GLDC: variants seen among roughly 807,000 people sequenced by gnomAD.
GLDC encodes glycine dehydrogenase (decarboxylating), mitochondrial.
A neutral mutation model predicts 121.3 loss-of-function variants in GLDC; 104 were observed. The observed-to-expected ratio is 0.86, with a 90% CI of 0.73 to 1.01. The LOEUF is 1.01. Ranked by LOEUF, GLDC falls within the 50% of genes least tolerant of loss-of-function variation. The probability of loss-of-function intolerance (pLI) is 0.00; values close to 1 mark genes in which losing one functional copy is unlikely to be tolerated. For synonymous variants in GLDC, 546 were observed against 480.6 expected (o/e 1.14, Z -1.78); for missense variants, 1,429 against 1,306.6 (o/e 1.09, Z -1.44).
chr9:6,612,363 A>C (rs1000416410), intron 3 of GLDC, among the ~76,000 whole-genome samples: 1 of 151,962 alleles, frequency 6.6e-6, no homozygotes, highest in African/African-American at 2.4e-5. Flanking sequence ...CAACCTCCCC[A>C]CCACACTCCC....
In GLDC at chr9:6,610,178, G is replaced by C. The variant is rs1409018724; in HGVS notation, c.635+14C>G. On this transcript the variant is annotated intron_variant, in intron 4 of 24. Coordinates refer to ENST00000321612, the MANE Select transcript of GLDC (RefSeq NM_000170.3). ...CCCACAACTGGAATTCCAGCACTTT[G>C]AGAGGCCTCTCACCTGTAGCACAGC... 1.9e-6 allele frequency: 3 copies of C among 1,599,746 alleles called. No homozygotes were observed. Among genetic ancestry groups the C allele is most frequent in the Admixed American group, 1.7e-5 (1 of 57,918 alleles).
At position 6,606,641 on chromosome 9, in the gene GLDC, C is replaced by G; in HGVS notation, c.664G>C (p.Asp222His). Residue 222 changes from aspartate (D) to histidine (H), a missense_variant, in exon 5 of 25, where the codon GAT becomes CAT. By Grantham distance (81) the Asp-to-His change is moderately conservative. Coordinates refer to ENST00000321612, the MANE Select transcript of GLDC (RefSeq NM_000170.3). The part of the protein sequence containing the change: ...RHNKRRKFLV[D>H]PRCHPQTIAV... The stretch of plus-strand genomic sequence containing the variant: ...ATTGTCTGTGGGTGGCAACGGGGAT[C>G]AACGAGAAATTTCCTCCTCTTGTTG... 1.2e-6 allele frequency: 2 copies of G among 1,608,782 alleles called. No individual in the cohort carries two copies. Among genetic ancestry groups the G allele is most frequent in the Non-Finnish European group, 1.7e-6 (2 of 1,175,366 alleles).
chr9:6,599,082 G>A lies in GLDC; in HGVS notation c.1155+3027C>T, dbSNP rs149314226. Among the ~76,000 whole-genome samples, 103 of 152,058 alleles carry A rather than the reference G, an allele frequency of 6.8e-4. 4 individuals carry two copies. In the East Asian group the frequency reaches 0.019, roughly 27 times the overall value. ...GCCTGTAATCCCAGCTACTCAGGAG[G>A]CTGAGGCAGGAGTATCGCTTGAACC... On this transcript the variant is annotated intron_variant, in intron 8 of 24. Coordinates refer to ENST00000321612, the MANE Select transcript of GLDC (RefSeq NM_000170.3).
intron 3 of GLDC, among the ~76,000 whole-genome samples, chr9:6,611,731 G>A (rs1818861699): frequency 6.6e-6 from 1 of 152,028 alleles, no homozygotes; most frequent in Non-Finnish European, 1.5e-5. Flanking sequence ...GAATTCTTTG[G>A]AACATTATTC....
intron 17 of GLDC, among the ~76,000 whole-genome samples, chr9:6,557,100 C>G (rs1447013531): frequency 2.6e-5 from 4 of 152,108 alleles, no homozygotes; most frequent in African/African-American, 9.7e-5. Context: ...GAGTTCTATA[C>G]CACTGCAGGA....
intron 2 of GLDC, among the ~76,000 whole-genome samples, chr9:6,642,126 A>T (rs1311656898): frequency 6.6e-6 from 1 of 152,194 alleles, no homozygotes; most frequent in Non-Finnish European, 1.5e-5. Context: ...TTGTTGGAGA[A>T]CTGGTCCATT....
intron 7 of GLDC, 42 bp from the exon 8 acceptor site, chr9:6,602,247 A>T: frequency 8.8e-7 from 1 of 1,132,234 alleles, no homozygotes; most frequent in South Asian, 1.2e-5. Context: ...AGATAATCAC[A>T]GCACTGGGAG....
At chr9:6,559,367 T>C (rs1436409936) in intron 16 of GLDC, among the ~76,000 whole-genome samples, 1 of 150,892 alleles carries the variant, frequency 6.6e-6, no homozygotes, top group Admixed American at 6.6e-5. Flanking sequence ...ATACAAAAAA[T>C]AGCTGGGTGT....
At chr9:6,634,541 A>AAACC (rs1819459967) in intron 2 of GLDC, among the ~76,000 whole-genome samples, 1 of 114,534 alleles carries the variant, frequency 8.7e-6, no homozygotes, top group African/African-American at 4.0e-5. Context: ...ACAAACAAAC[A>AAACC]AACAAACAAA....
At chr9:6,576,283 G>C (rs192857826) in intron 15 of GLDC, among the ~76,000 whole-genome samples, 1 of 152,080 alleles carries the variant, frequency 6.6e-6, no homozygotes, top group East Asian at 1.9e-4. Context: ...GCACTTCCTG[G>C]TTCATAGATA....
At chr9:6,604,485 C>G (rs1818689312) in intron 7 of GLDC, 103 bp downstream of exon 7, 2 of 1,074,148 alleles carry the variant, frequency 1.9e-6, no homozygotes, top group Non-Finnish European at 2.9e-6. Context: ...TTAACTGACT[C>G]AACATGGCCC....
intron 16 of GLDC, among the ~76,000 whole-genome samples, chr9:6,560,912 T>C (rs1211021450): frequency 1.3e-5 from 2 of 152,168 alleles, no homozygotes; most frequent in East Asian, 1.9e-4. Context: ...TTAAGTGTCC[T>C]CATCAGAGGG....
chr9:6,613,661 T>C (rs1442781804), intron 3 of GLDC, among the ~76,000 whole-genome samples: 2 of 152,232 alleles, frequency 1.3e-5, no homozygotes, highest in Non-Finnish European at 2.9e-5. Context: ...TTCCTTCCAG[T>C]TGAATACTTT....
chr9:6,619,146 C>CAAA (rs1162280442), intron 3 of GLDC, among the ~76,000 whole-genome samples: 1,434 of 60,588 alleles, frequency 0.024, 7 homozygotes, highest in Non-Finnish European at 0.032. Flanking sequence ...CTGTCTCAGG[C>CAAA]AAAAAAAAAA....
Position 6,536,160 on chromosome 9 carries a change from T to C in GLDC, c.2742A>G (p.Ala914=), listed in dbSNP as rs374022098. The C allele has an allele frequency of 1.2e-6, 2 of 1,614,106 alleles. No homozygotes were observed. Among genetic ancestry groups the C allele is most frequent in the Non-Finnish European group, 8.5e-7 (1 of 1,179,952 alleles). Reference sequence around the variant, plus strand: ...TGGCATCACAGAATCTGTCCAGCTCTGCCTTGTCCTCCGACTCAGTGGGCT... The same window carrying C: ...TGGCATCACAGAATCTGTCCAGCTCCGCCTTGTCCTCCGACTCAGTGGGCT... ...MVEPTESEDK[A]ELDRFCDAMI... The change falls in exon 23 of 25, where the codon GCA becomes GCG. Residue 914 remains alanine (A), a synonymous_variant. Transcript: ENST00000321612.
chr9:6,565,521 C>T, intron 15 of GLDC, 92 bp from the exon 16 acceptor site: 1 of 905,322 alleles, frequency 1.1e-6, no homozygotes, highest in Non-Finnish European at 1.9e-6. Flanking sequence ...AGGGGTTCAC[C>T]AGCACGTGAC....
At chr9:6,630,578 G>T (rs1819355282) in intron 2 of GLDC, among the ~76,000 whole-genome samples, 1 of 152,152 alleles carries the variant, frequency 6.6e-6, no homozygotes, top group African/African-American at 2.4e-5. Flanking sequence ...TTTGAGAAAG[G>T]CCTTTCTCTG....
chr9:6,613,160 C>T (rs547453251), intron 3 of GLDC, among the ~76,000 whole-genome samples: 1 of 152,224 alleles, frequency 6.6e-6, no homozygotes, highest in East Asian at 1.9e-4. Flanking sequence ...GTCAGGAACA[C>T]ATTTACCACC....
intron 21 of GLDC, among the ~76,000 whole-genome samples, chr9:6,543,047 G>C (rs1337835585): frequency 2.6e-5 from 4 of 151,174 alleles, no homozygotes; most frequent in Non-Finnish European, 4.4e-5. Context: ...TAAATGCTCA[G>C]CTGAGGATTG....
Sources: allele counts gnomAD v4.1 joint callset (sites outside exome capture counted in the v4.1 genomes callset), GRCh38; gene constraint gnomAD v4.1.1; transcripts MANE v1.5; gene names NCBI Gene and HGNC (gene_info 2026-07-23, HGNC 2026-07-21).